The following FAAH2 variants were observed in gnomAD, a reference collection of about 807,000 sequenced individuals.
The protein encoded by FAAH2 is fatty-acid amide hydrolase 2.
FAAH2 carries 60 observed loss-of-function variants against 36.9 expected under a neutral mutation model. The observed-to-expected ratio is 1.63, with a 90% CI of 1.32 to 2.02. The LOEUF is 2.02. Among genes scored for constraint, FAAH2 ranks in the 30% most tolerant of loss-of-function variants. The pLI is 0.00. For missense variants in FAAH2, 689 were observed against 397.5 expected, an observed-to-expected ratio of 1.73 and a Z score of -6.23; for synonymous variants, 214 against 143.8, an observed-to-expected ratio of 1.49 and a Z score of -3.49.
the FAAH2 span, among the ~76,000 whole-genome samples, chrX:57,222,678 A>G: frequency 4.6e-4 from 50 of 109,379 alleles, no homozygotes; most frequent in African/African-American, 1.6e-3. Flanking sequence ...TTCATAGAAA[A>G]CCCCCTCCTA....
At chrX:57,397,845 C>T (rs1569317473) in intron 7 of FAAH2, among the ~76,000 whole-genome samples, 1 of 109,142 alleles carries the variant, frequency 9.2e-6, no homozygotes, top group African/African-American at 3.4e-5. Flanking sequence ...TAATGCTATC[C>T]CTCCCCCTTC....
At chrX:57,210,578 A>G in the FAAH2 span, among the ~76,000 whole-genome samples, 1 of 112,435 alleles carries the variant, frequency 8.9e-6, no homozygotes, top group Non-Finnish European at 1.9e-5. Flanking sequence ...TTGATGAGAA[A>G]TTAGTGGGAA....
chrX:57,286,856 T>C lies in FAAH2; in HGVS notation c.31T>C (p.Leu11=), dbSNP rs766697065. Residue 11 remains leucine, a synonymous_variant, in exon 1 of 11, where the codon TTG becomes CTG. Coordinates refer to ENST00000374900, the MANE Select transcript of FAAH2 (RefSeq NM_174912.4). Reference sequence around the variant, plus strand: ...ACCTTCATTTACCGCCCGCATTCAGTTGTTCCTCTTGCGGGCGCTAGGCTT... The same window carrying C: ...ACCTTCATTTACCGCCCGCATTCAGCTGTTCCTCTTGCGGGCGCTAGGCTT... The part of the protein sequence containing the change: MAPSFTARIQ[L]FLLRALGFLI... 8.4e-7 allele frequency: 1 copy of C among 1,193,107 alleles called. No homozygotes were observed. The highest frequency in any genetic ancestry group is 3.0e-5 in the East Asian group (1 of 33,229).
the FAAH2 span, among the ~76,000 whole-genome samples, chrX:57,233,570 C>A: frequency 9.0e-6 from 1 of 111,386 alleles, no homozygotes. Flanking sequence ...CTTTTCCTTC[C>A]AATTCCTTCT....
At chrX:57,321,798 A>G (rs2053032885) in intron 3 of FAAH2, among the ~76,000 whole-genome samples, 1 of 110,682 alleles carries the variant, frequency 9.0e-6, no homozygotes, top group African/African-American at 3.3e-5. Flanking sequence ...TCATGTTGTT[A>G]CTTGGTTATT....
intron 7 of FAAH2, among the ~76,000 whole-genome samples, chrX:57,421,792 G>A (rs1169197773): frequency 1.8e-5 from 2 of 112,010 alleles, no homozygotes; most frequent in African/African-American, 6.5e-5. Context: ...CACTTCATTT[G>A]CTGTGAAATG....
the FAAH2 span, among the ~76,000 whole-genome samples, chrX:57,168,583 C>T: frequency 1.8e-5 from 2 of 111,946 alleles, no homozygotes; most frequent in Non-Finnish European, 3.8e-5. Flanking sequence ...AGTGAGAAAC[C>T]TGGCTCCTAA....
At chrX:57,173,836 T>C in the FAAH2 span, among the ~76,000 whole-genome samples, 1 of 112,086 alleles carries the variant, frequency 8.9e-6, no homozygotes, top group Non-Finnish European at 1.9e-5. Flanking sequence ...CATGTGATTT[T>C]TGTTTTTAAT....
At chrX:57,444,646 CA>C (rs2056635787) in intron 8 of FAAH2, among the ~76,000 whole-genome samples, 1 of 111,273 alleles carries the variant, frequency 9.0e-6, no homozygotes, top group Non-Finnish European at 1.9e-5. Context: ...GTTGGAAATG[CA>C]AAAATCACCC....
chrX:57,397,615 G>A (rs2055335595), intron 7 of FAAH2, among the ~76,000 whole-genome samples: 1 of 110,698 alleles, frequency 9.0e-6, no homozygotes, highest in Non-Finnish European at 1.9e-5. Context: ...TACTGGCTTG[G>A]TAGGTTTCCG....
chrX:57,415,576 T>G (rs2055819830), intron 7 of FAAH2, among the ~76,000 whole-genome samples: 1 of 112,270 alleles, frequency 8.9e-6, no homozygotes. Context: ...TTGATTGCAC[T>G]GTGGTCTGAG....
chrX:57,356,098 G>A (rs915689287), intron 5 of FAAH2, among the ~76,000 whole-genome samples: 2 of 110,157 alleles, frequency 1.8e-5, no homozygotes, highest in East Asian at 2.8e-4. Context: ...TCATATTTAG[G>A]ACAATTGTTT....
intron 1 of FAAH2, 22 bp downstream of exon 1, chrX:57,287,039 G>A (rs776838962): frequency 8.8e-7 from 1 of 1,142,181 alleles, no homozygotes; most frequent in African/African-American, 1.8e-5. Context: ...ATTCAGAAGA[G>A]GCTGGAGGGA....
intron 5 of FAAH2, among the ~76,000 whole-genome samples, chrX:57,351,979 T>C (rs1221460219): frequency 4.5e-4 from 40 of 88,830 alleles, no homozygotes; most frequent in Non-Finnish European, 7.0e-4. Flanking sequence ...AGGATCACTC[T>C]GATACCAAAA....
At chrX:57,214,657 G>T in the FAAH2 span, among the ~76,000 whole-genome samples, 245 of 111,377 alleles carry the variant, frequency 2.2e-3, 1 homozygote, top group Middle Eastern at 4.7e-3. Context: ...TCAAACTCCT[G>T]ATCTTGTGAT....
intron 4 of FAAH2, among the ~76,000 whole-genome samples, chrX:57,339,562 C>CA (rs1323067057): frequency 1.2e-5 from 1 of 85,847 alleles, no homozygotes; most frequent in Middle Eastern, 8.3e-3. Flanking sequence ...AACAAATTTA[C>CA]AAGAAAAAAA....
chrX:57,307,833 T>C (rs866194346), intron 2 of FAAH2, among the ~76,000 whole-genome samples: 1 of 110,853 alleles, frequency 9.0e-6, no homozygotes, highest in African/African-American at 3.3e-5. Flanking sequence ...GTTGCTATCT[T>C]TATGGCCGTG....
intron 10 of FAAH2, among the ~76,000 whole-genome samples, chrX:57,479,095 C>T (rs912615483): frequency 9.0e-5 from 10 of 111,565 alleles, no homozygotes; most frequent in East Asian, 2.8e-4. Flanking sequence ...GCCATTTTCA[C>T]GATATTGATT....
chrX:57,463,804 G>A (rs1308812625), intron 10 of FAAH2, among the ~76,000 whole-genome samples: 1 of 111,582 alleles, frequency 9.0e-6, no homozygotes, highest in East Asian at 2.8e-4. Flanking sequence ...CACTGATGGT[G>A]GAAGTGTAAA....
Sources: gnomAD v4.1 joint callset for allele counts (sites outside exome capture counted in the v4.1 genomes callset) on GRCh38, gnomAD v4.1.1 for gene constraint, MANE v1.5 for transcripts, NCBI Gene and HGNC (gene_info 2026-07-23, HGNC 2026-07-21) for gene names.